PDE4D: variants seen among roughly 807,000 people sequenced by gnomAD.
PDE4D encodes 3',5'-cyclic-AMP phosphodiesterase 4D.
PDE4D carries 24 observed loss-of-function variants against 87.4 expected under a neutral mutation model. The observed-to-expected ratio is 0.27, with a 90% CI of 0.20 to 0.39. The LOEUF (loss-of-function observed/expected upper bound fraction) is 0.39. PDE4D is among the 10% of genes least tolerant of loss of function. The pLI is 1.00. For synonymous variants in PDE4D, 384 were observed against 383.2 expected (o/e 1.00, Z -0.02); for missense variants, 714 against 1,041.0 (o/e 0.69, Z 4.32).
chr5:59,035,744 A>G (rs1758397032), intron 6 of PDE4D, among the ~76,000 whole-genome samples: 1 of 152,230 alleles, frequency 6.6e-6, no homozygotes, highest in African/African-American at 2.4e-5. Context: ...CCATAATTCA[A>G]CTTCCAGGTT....
chr5:59,258,837 G>C (rs115409090), intron 1 of PDE4D, among the ~76,000 whole-genome samples: 4,895 of 150,930 alleles, frequency 0.032, 115 homozygotes, highest in Non-Finnish European at 0.049. Context: ...TGTCAAAGAA[G>C]TTTCAAGGCC....
At chr5:60,416,355 T>G (rs1459907778) in intron 1 of PDE4D, among the ~76,000 whole-genome samples, 1 of 152,174 alleles carries the variant, frequency 6.6e-6, no homozygotes, top group Non-Finnish European at 1.5e-5. Flanking sequence ...AGAAGCTTTG[T>G]TTTTTCACTC....
chr5:59,675,328 A>G (rs1184215072), intron 1 of PDE4D, among the ~76,000 whole-genome samples: 6 of 102,256 alleles, frequency 5.9e-5, no homozygotes, highest in Admixed American at 5.6e-4. Context: ...CCCACTCATA[A>G]TGTCACAACT....
chr5:59,944,804 A>G (rs1039141425), intron 3 of PDE4D, among the ~76,000 whole-genome samples: 1 of 151,502 alleles, frequency 6.6e-6, no homozygotes, highest in African/African-American at 2.4e-5. Flanking sequence ...TCCCCTTTCT[A>G]CTATCTCCTT....
At chr5:59,411,899 T>C (rs1054431931) in intron 1 of PDE4D, among the ~76,000 whole-genome samples, 1 of 152,232 alleles carries the variant, frequency 6.6e-6, no homozygotes, top group East Asian at 1.9e-4. Context: ...GGACCATCTA[T>C]CTAAATGAAC....
intron 1 of PDE4D, among the ~76,000 whole-genome samples, chr5:59,595,855 A>G (rs187951338): frequency 1.8e-4 from 27 of 152,212 alleles, no homozygotes; most frequent in African/African-American, 6.5e-4. Context: ...GTAGTAGGAC[A>G]TAGTAGATGT....
chr5:60,135,255 G>T (rs1779938411), intron 2 of PDE4D, among the ~76,000 whole-genome samples: 1 of 152,180 alleles, frequency 6.6e-6, no homozygotes, highest in Admixed American at 6.5e-5. Context: ...CAAATCTTCT[G>T]GCACCTTGAT....
At chr5:59,574,318 C>T (rs1822759781) in intron 1 of PDE4D, among the ~76,000 whole-genome samples, 1 of 150,254 alleles carries the variant, frequency 6.7e-6, no homozygotes, top group Non-Finnish European at 1.5e-5. Flanking sequence ...TGCCCTTCAT[C>T]AACATTCTCC....
At chr5:59,747,473 CTT>C (rs778181105) in intron 1 of PDE4D, among the ~76,000 whole-genome samples, 3 of 152,244 alleles carry the variant, frequency 2.0e-5, no homozygotes, top group South Asian at 2.1e-4. Flanking sequence ...ACCATGATGA[CTT>C]TGAATTTGTA....
At chr5:59,673,350 G>A (rs1388044286) in intron 1 of PDE4D, among the ~76,000 whole-genome samples, 1 of 152,088 alleles carries the variant, frequency 6.6e-6, no homozygotes, top group Admixed American at 6.5e-5. Flanking sequence ...ATGTTTCCTT[G>A]TTACTAGTAT....
intron 1 of PDE4D, among the ~76,000 whole-genome samples, chr5:60,316,642 A>G (rs1307898587): frequency 6.6e-6 from 1 of 152,132 alleles, no homozygotes; most frequent in African/African-American, 2.4e-5. Context: ...GATAGCTCTT[A>G]TTATTTTGAG....
chr5:59,316,326 T>C (rs1773723183), intron 1 of PDE4D, among the ~76,000 whole-genome samples: 1 of 152,180 alleles, frequency 6.6e-6, no homozygotes, highest in East Asian at 1.9e-4. Context: ...TCTTTCTGTT[T>C]AAAAGAAACT....
At chr5:59,058,351 A>G (rs999502925) in intron 5 of PDE4D, among the ~76,000 whole-genome samples, 1 of 152,244 alleles carries the variant, frequency 6.6e-6, no homozygotes, top group Non-Finnish European at 1.5e-5. Flanking sequence ...ACTGTTCTCC[A>G]TGCCCACCCA....
intron 6 of PDE4D, among the ~76,000 whole-genome samples, chr5:59,001,484 C>T (rs1750522804): frequency 6.6e-6 from 1 of 152,176 alleles, no homozygotes; most frequent in Admixed American, 6.5e-5. Context: ...TTCCATCACT[C>T]TTACTCCTCT....
intron 2 of PDE4D, among the ~76,000 whole-genome samples, chr5:60,059,369 T>C (rs1351966102): frequency 6.6e-6 from 1 of 151,984 alleles, no homozygotes; most frequent in African/African-American, 2.4e-5. Context: ...TAGAATAGCA[T>C]ATATTTCCCT....
At chr5:60,136,059 AC>A (rs1375134004) in intron 2 of PDE4D, among the ~76,000 whole-genome samples, 1 of 152,156 alleles carries the variant, frequency 6.6e-6, no homozygotes, top group Admixed American at 6.5e-5. Context: ...ACAATGAACT[AC>A]TGCTACCTTT....
At chr5:60,133,466 T>C (rs796983921) in intron 2 of PDE4D, among the ~76,000 whole-genome samples, 14 of 152,200 alleles carry the variant, frequency 9.2e-5, no homozygotes, top group African/African-American at 3.4e-4. Flanking sequence ...GTAGCTGGGA[T>C]TGCAGGCTAT....
chr5:59,510,961 T>C (rs1053424120), intron 1 of PDE4D, among the ~76,000 whole-genome samples: 3 of 151,852 alleles, frequency 2.0e-5, no homozygotes, highest in East Asian at 1.9e-4. Flanking sequence ...TAGAGAAAAA[T>C]AGAATTTGAC....
intron 2 of PDE4D, chr5:59,193,748 A>C (rs868059905): frequency 7.1e-6 from 7 of 985,268 alleles, no homozygotes; most frequent in Non-Finnish European, 8.4e-6. Flanking sequence ...GGGTAAAAAG[A>C]GGGGCTTCTT....
Sources: allele counts gnomAD v4.1 joint callset (sites outside exome capture counted in the v4.1 genomes callset), GRCh38; gene constraint gnomAD v4.1.1; transcripts MANE v1.5; gene names NCBI Gene and HGNC (gene_info 2026-07-23, HGNC 2026-07-21).